Variants in TBCD observed in about 807,000 individuals in gnomAD.
TBCD encodes tubulin-specific chaperone D.
In TBCD, 105 loss-of-function variants were observed where a neutral mutation model predicts 169.3. That is an observed-to-expected ratio of 0.62 (90% CI 0.53 to 0.73). TBCD has a LOEUF of 0.73. TBCD is among the 30% of genes least tolerant of loss of function. The pLI is 0.00. For synonymous variants in TBCD, 700 were observed against 643.9 expected (o/e 1.09, Z -1.32); for missense variants, 1,444 against 1,600.1 (o/e 0.90, Z 1.66).
intron 5 of TBCD, among the ~76,000 whole-genome samples, chr17:82,770,917 T>C (rs565355917): frequency 8.2e-4 from 125 of 151,742 alleles, no homozygotes; most frequent in Non-Finnish European, 1.2e-4. Flanking sequence ...TATTCAACTG[T>C]TCTCTTACAA....
intron 2 of TBCD, among the ~76,000 whole-genome samples, chr17:82,760,820 C>G (rs1364054933): frequency 6.6e-6 from 1 of 152,230 alleles, no homozygotes; most frequent in Non-Finnish European, 1.5e-5. Flanking sequence ...AACCACTCAT[C>G]TGGCTCTGGG....
intron 13 of TBCD, among the ~76,000 whole-genome samples, chr17:82,820,144 A>G (rs1023482509): frequency 6.6e-6 from 1 of 151,818 alleles, no homozygotes; most frequent in African/African-American, 2.4e-5. Context: ...TGCCCAGCCA[A>G]TTTTTTTATT....
intron 23 of TBCD, among the ~76,000 whole-genome samples, chr17:82,912,805 G>T (rs1354872085): frequency 1.3e-5 from 2 of 152,256 alleles, no homozygotes; most frequent in Non-Finnish European, 2.9e-5. Flanking sequence ...CTCCAGCCAG[G>T]CTGGCCGGGC....
chr17:82,846,909 A>G (rs1053183600), intron 13 of TBCD, among the ~76,000 whole-genome samples: 22 of 151,758 alleles, frequency 1.4e-4, no homozygotes, highest in African/African-American at 5.1e-4. Context: ...CACACAGGCT[A>G]ACATGGCCAA....
At chr17:82,762,158 T>C (rs969132477) in intron 2 of TBCD, among the ~76,000 whole-genome samples, 17 of 150,392 alleles carry the variant, frequency 1.1e-4, no homozygotes, top group African/African-American at 3.4e-4. Context: ...CTACTAAAAA[T>C]ACAAAAAATT....
At chr17:82,911,711 A>C in intron 22 of TBCD, 47 bp from the exon 23 acceptor site, 1 of 1,592,078 alleles carries the variant, frequency 6.3e-7, no homozygotes, top group African/African-American at 1.3e-5. Context: ...ATGGTGTTTT[A>C]TACGTCAAGA....
intron 34 of TBCD, among the ~76,000 whole-genome samples, chr17:82,935,024 A>AC (rs1244835362): frequency 6.6e-6 from 1 of 152,110 alleles, no homozygotes; most frequent in Non-Finnish European, 1.5e-5. Flanking sequence ...AGATTGAGCC[A>AC]CTGTGCTCCA....
chr17:82,883,955 C>T (rs570042063), intron 14 of TBCD, among the ~76,000 whole-genome samples, 190 bp from the exon 15 acceptor site: 3 of 152,124 alleles, frequency 2.0e-5, no homozygotes, highest in Non-Finnish European at 4.4e-5. Context: ...TCCCACATGG[C>T]GTCTGGTGTC....
chr17:82,942,399 T>C (rs1409660634), intron 38 of TBCD, 50 bp from the exon 39 acceptor site: 17 of 1,613,304 alleles, frequency 1.1e-5, no homozygotes, highest in East Asian at 2.2e-5. Flanking sequence ...TGGCTGGGAA[T>C]GGTGTGTGTT....
chr17:82,924,332 T>C (rs1274303294), intron 26 of TBCD, among the ~76,000 whole-genome samples: 2 of 152,250 alleles, frequency 1.3e-5, no homozygotes, highest in Non-Finnish European at 2.9e-5. Context: ...TGCTGTTTTT[T>C]CCTTCTTTAT....
rs1224837775 is a variant in TBCD at position 82,856,660 on chromosome 17, G to C, written c.1319-13564G>C. On this transcript the variant is annotated intron_variant, in intron 13 of 38. Coordinates refer to ENST00000355528, the MANE Select transcript of TBCD (RefSeq NM_005993.5). ...CCTTGTGAAGAATGCTTCTGTGAAC[G>C]TTTGCGTACAAGTGTCTGTTTGAAT... Among the ~76,000 whole-genome samples the C allele has an allele frequency of 2.6e-5, 4 of 152,322 alleles. No individual in the cohort carries two copies. The East Asian group carries it at 7.7e-4, about 29-fold the overall frequency.
intron 23 of TBCD, among the ~76,000 whole-genome samples, chr17:82,912,488 G>T (rs1012501675): frequency 1.3e-5 from 2 of 152,244 alleles, no homozygotes; most frequent in Non-Finnish European, 1.5e-5. Flanking sequence ...AAGGTCCAGG[G>T]AGCTGGATTC....
At chr17:82,834,894 A>G (rs2145331343) in intron 13 of TBCD, among the ~76,000 whole-genome samples, 1 of 152,182 alleles carries the variant, frequency 6.6e-6, no homozygotes, top group Middle Eastern at 3.4e-3. Flanking sequence ...AAAAAAATAC[A>G]TTAAAGTAAA....
Position 82,927,991 on chromosome 17 carries a change from G to A in TBCD, c.2693+3G>A. The A allele has an allele frequency of 6.2e-7, 1 of 1,609,138 alleles. No individual in the cohort carries two copies. The highest frequency in any genetic ancestry group is 1.1e-5 in the South Asian group (1 of 91,066). On this transcript the variant is annotated splice_donor_region_variant and intron_variant, in intron 30 of 38. Transcript: ENST00000355528. ...CCTGAGCTGATCGAGGCCCATACGT[G>A]AGTGTCACGTCGCAGCTCTTCTGCA...
chr17:82,845,329 CTG>C (rs2054927640), intron 13 of TBCD, among the ~76,000 whole-genome samples: 1 of 151,696 alleles, frequency 6.6e-6, no homozygotes, highest in African/African-American at 2.4e-5. Flanking sequence ...CCCTTCCTCT[CTG>C]TCCTGTCTGG....
Position 82,929,511 on chromosome 17 carries a change from G to A in TBCD, c.2991+11G>A, listed in dbSNP as rs763179207. 52 of 1,602,958 alleles carry A rather than the reference G, an allele frequency of 3.2e-5. No individual in the cohort carries two copies. Among genetic ancestry groups the A allele is most frequent in the Admixed American group, 6.7e-5 (4 of 60,000 alleles). On this transcript the variant is annotated intron_variant, in intron 32 of 38. Transcript: ENST00000355528. The stretch of plus-strand genomic sequence containing the variant: ...TTGACGGAGTCGACGGTGAGGAGGC[G>A]TCGGGCTGGCTGGGGCAGGAGGTGG...
intron 13 of TBCD, among the ~76,000 whole-genome samples, chr17:82,849,629 C>T (rs1038199789): frequency 3.9e-5 from 6 of 152,204 alleles, no homozygotes; most frequent in East Asian, 1.9e-4. Flanking sequence ...TCCAAGCACA[C>T]GGATAAACTG....
intron 13 of TBCD, among the ~76,000 whole-genome samples, chr17:82,861,703 G>T (rs1354765896): frequency 6.6e-6 from 1 of 152,184 alleles, no homozygotes; most frequent in Non-Finnish European, 1.5e-5. Flanking sequence ...AAGCTGTGCT[G>T]GTGTGGCCGT....
intron 7 of TBCD, among the ~76,000 whole-genome samples, chr17:82,790,440 G>A (rs527590593): frequency 6.6e-5 from 10 of 152,306 alleles, no homozygotes; most frequent in South Asian, 6.2e-4. Flanking sequence ...TCTTGGCCTC[G>A]GAAGCAGGAG....
Sources: allele counts gnomAD v4.1 joint callset (sites outside exome capture counted in the v4.1 genomes callset), GRCh38; gene constraint gnomAD v4.1.1; transcripts MANE v1.5; gene names NCBI Gene and HGNC (gene_info 2026-07-23, HGNC 2026-07-21).